Variants in CEP128 observed in about 807,000 individuals in gnomAD.
The protein encoded by CEP128 is centrosomal protein 128.
In CEP128, 132 loss-of-function variants were observed where a neutral mutation model predicts 156.7. That is an observed-to-expected ratio of 0.84 (90% CI 0.73 to 0.97). The LOEUF (loss-of-function observed/expected upper bound fraction) is 0.97. Among genes scored for constraint, CEP128 ranks in the 50% least tolerant of loss-of-function variants. CEP128 has a pLI of 0.00. For synonymous variants in CEP128, 469 were observed against 448.9 expected (o/e 1.04, Z -0.57); for missense variants, 1,252 against 1,281.9 (o/e 0.98, Z 0.36).
chr14:80,954,446 C>T (rs928530491), intron 2 of CEP128, among the ~76,000 whole-genome samples: 1 of 152,098 alleles, frequency 6.6e-6, no homozygotes, highest in Non-Finnish European at 1.5e-5. Flanking sequence ...ATTTGGAATA[C>T]ACATATTTTA....
In CEP128 at chr14:80,643,366, A is replaced by T. The variant is rs371335344; in HGVS notation, c.2807-62943T>A. On this transcript the variant is annotated intron_variant, in intron 19 of 24. Coordinates refer to ENST00000555265, the MANE Select transcript of CEP128 (RefSeq NM_152446.5). ...AGCGGCACCACAGCAGTCAGCAGGG[A>T]CAGCTGGGAGGCCTCTGCAAATGTG... Among the ~76,000 whole-genome samples the T allele has an allele frequency of 8.5e-5, 13 of 152,202 alleles. No individual in the cohort carries two copies. The East Asian group carries it at 2.1e-3, about 25-fold the overall frequency.
intron 14 of CEP128, among the ~76,000 whole-genome samples, chr14:80,786,137 G>A (rs1468490598): frequency 1.3e-5 from 2 of 152,146 alleles, no homozygotes; most frequent in African/African-American, 2.4e-5. Context: ...GGAAAGGTTG[G>A]GAAAGGGCTC....
chr14:80,759,527 G>A (rs1161396784), intron 17 of CEP128, among the ~76,000 whole-genome samples: 1 of 152,192 alleles, frequency 6.6e-6, no homozygotes, highest in Admixed American at 6.5e-5. Flanking sequence ...CTATGTTCTT[G>A]AGCATTCCAT....
chr14:80,706,913 A>G (rs527260312), intron 19 of CEP128, among the ~76,000 whole-genome samples: 42 of 152,154 alleles, frequency 2.8e-4, no homozygotes, highest in African/African-American at 9.9e-4. Flanking sequence ...TCTACTACTC[A>G]ACCCATCCGT....
At chr14:80,613,873 G>A (rs1893106812) in intron 19 of CEP128, among the ~76,000 whole-genome samples, 4 of 152,012 alleles carry the variant, frequency 2.6e-5, no homozygotes, top group Admixed American at 2.6e-4. Flanking sequence ...TGATGGGCAG[G>A]TTATATGGAA....
intron 14 of CEP128, among the ~76,000 whole-genome samples, chr14:80,480,234 G>A (rs868709603): frequency 1.3e-5 from 2 of 152,290 alleles, no homozygotes; most frequent in African/African-American, 4.8e-5. Flanking sequence ...CTTCTGCACT[G>A]CCCTAGCAGA....
At chr14:80,615,610 G>A (rs1322890563) in intron 19 of CEP128, among the ~76,000 whole-genome samples, 1 of 152,212 alleles carries the variant, frequency 6.6e-6, no homozygotes, top group African/African-American at 2.4e-5. Flanking sequence ...ACGGCATTGG[G>A]AGGCCAAGGT....
intron 20 of CEP128, among the ~76,000 whole-genome samples, chr14:80,573,791 G>A (rs1363711798): frequency 6.6e-6 from 1 of 152,138 alleles, no homozygotes; most frequent in Non-Finnish European, 1.5e-5. Context: ...AGGTTGGTAA[G>A]CCTGTTCACC....
chr14:80,726,855 A>C (rs1898038581), intron 19 of CEP128, among the ~76,000 whole-genome samples: 1 of 152,244 alleles, frequency 6.6e-6, no homozygotes, highest in African/African-American at 2.4e-5. Flanking sequence ...TTACAAAATA[A>C]ACTTTGGAAG....
intron 8 of CEP128, among the ~76,000 whole-genome samples, chr14:80,885,756 A>G (rs778190367): frequency 2.6e-5 from 4 of 152,168 alleles, no homozygotes; most frequent in Non-Finnish European, 5.9e-5. Flanking sequence ...CAGCAACGGC[A>G]CCAAATTGGA....
chr14:80,761,309 C>G, intron 17 of CEP128, 128 bp downstream of exon 17: 6 of 682,916 alleles, frequency 8.8e-6, no homozygotes, highest in Non-Finnish European at 1.4e-5. Context: ...CTAAAAAATG[C>G]AAAATGTTAT....
chr14:80,758,585 C>T (rs924059646), intron 17 of CEP128, among the ~76,000 whole-genome samples: 2 of 149,336 alleles, frequency 1.3e-5, no homozygotes, highest in Admixed American at 1.3e-4. Flanking sequence ...ACAGAGAACA[C>T]AATAAACCAC....
At position 80,906,109 on chromosome 14, in the gene CEP128, C is replaced by A. The variant is rs200947689; in HGVS notation, c.235-28G>T. The A allele has an allele frequency of 1.0e-4, 157 of 1,495,748 alleles. 1 individual carries two copies. In the East Asian group the frequency reaches 3.4e-3, roughly 32 times the overall value. The allele number at this position is 1,495,748 out of a possible 1,614,324, so 92.7% of individuals were successfully genotyped here. A position where few individuals can be genotyped will look rare whatever the true frequency, so the allele number is the denominator to read the frequency against. ...AATTTAAAGAATATAATGAATGAAG[C>A]GTTATTCTTCTTAAACAACTTCCAA... On this transcript the variant is annotated intron_variant, in intron 4 of 24. Transcript: ENST00000555265.
intron 19 of CEP128, among the ~76,000 whole-genome samples, chr14:80,623,795 G>A (rs1274740708): frequency 6.6e-6 from 1 of 151,922 alleles, no homozygotes; most frequent in Non-Finnish European, 1.5e-5. Flanking sequence ...TTTATTTTCA[G>A]TTGAAATGTA....
chr14:80,891,342 G>A (rs1377599191), intron 8 of CEP128, among the ~76,000 whole-genome samples: 2 of 151,994 alleles, frequency 1.3e-5, no homozygotes, highest in African/African-American at 4.8e-5. Context: ...AGAAAATGTG[G>A]TGTTTATACA....
intron 19 of CEP128, among the ~76,000 whole-genome samples, chr14:80,666,979 CAAG>C (rs1566844110): frequency 1.3e-5 from 2 of 152,158 alleles, no homozygotes; most frequent in Non-Finnish European, 1.5e-5. Context: ...TATATAAAAA[CAAG>C]AAGCCAGAAA....
At chr14:80,595,484 T>TA (rs1892274258) in intron 19 of CEP128, among the ~76,000 whole-genome samples, 1 of 152,026 alleles carries the variant, frequency 6.6e-6, no homozygotes, top group Non-Finnish European at 1.5e-5. Context: ...AAAAAATTAA[T>TA]AAACAGGAAG....
chr14:80,781,526 G>T (rs1901117536), intron 15 of CEP128, among the ~76,000 whole-genome samples: 1 of 151,756 alleles, frequency 6.6e-6, no homozygotes, highest in Non-Finnish European at 1.5e-5. Flanking sequence ...GGGCTGGGCT[G>T]GAGTGGAGAC....
At chr14:80,570,010 A>G (rs1377644258) in intron 20 of CEP128, among the ~76,000 whole-genome samples, 1 of 152,210 alleles carries the variant, frequency 6.6e-6, no homozygotes, top group Non-Finnish European at 1.5e-5. Flanking sequence ...GGTATGTGTT[A>G]TGGCTATTAA....
Sources: gnomAD v4.1 joint callset for allele counts (sites outside exome capture counted in the v4.1 genomes callset) on GRCh38, gnomAD v4.1.1 for gene constraint, MANE v1.5 for transcripts, NCBI Gene and HGNC (gene_info 2026-07-23, HGNC 2026-07-21) for gene names.